The following CADM3 variants were observed in gnomAD, a reference collection of about 807,000 sequenced individuals.
The protein encoded by CADM3 is cell adhesion molecule 3.
In CADM3, 11 loss-of-function variants were observed where a neutral mutation model predicts 44.9. That is an observed-to-expected ratio of 0.25 (90% CI 0.15 to 0.41). The LOEUF is 0.41. Ranked by LOEUF, CADM3 falls within the 10% of genes least tolerant of loss-of-function variation. CADM3 has a pLI of 1.00. For missense variants in CADM3, 426 were observed against 512.0 expected (o/e 0.83, Z 1.62); for synonymous variants, 207 against 205.2 (o/e 1.01, Z -0.08).
intron 1 of CADM3, chr1:159,189,726 C>A: frequency 7.1e-7 from 1 of 1,413,306 alleles, no homozygotes; most frequent in Non-Finnish European, 9.9e-7. Flanking sequence ...CACACTGTAG[C>A]AGGATACATG....
At chr1:159,193,749 ATC>A in intron 4 of CADM3, 119 bp from the exon 5 acceptor site, 1 of 1,467,564 alleles carries the variant, frequency 6.8e-7, no homozygotes, top group Non-Finnish European at 9.4e-7. Context: ...TTCTAAGTTT[ATC>A]TAGGTTGAGA....
Position 159,171,792 on chromosome 1 carries a change from G to C in CADM3, c.27G>C (p.Leu9=). The change falls in exon 1 of 9, where the codon CTG becomes CTC. Residue 9 remains leucine, a synonymous_variant. Coordinates refer to ENST00000368125, the MANE Select transcript of CADM3 (RefSeq NM_001127173.3). MGAPAASL[L]LLLLLFACCW... Reference sequence around the variant, plus strand: ...TGGGGGCCCCAGCCGCCTCGCTCCTGCTCCTGCTCCTGCTGTTCGCCTGCT... The same window carrying C: ...TGGGGGCCCCAGCCGCCTCGCTCCTCCTCCTGCTCCTGCTGTTCGCCTGCT... 8.0e-7 allele frequency: 1 copy of C among 1,244,058 alleles called. No homozygotes were observed. 77.1% of individuals were successfully genotyped at this position (1,244,058 alleles called of 1,614,324 possible).
chr1:159,187,837 T>C (rs759402111), intron 1 of CADM3, among the ~76,000 whole-genome samples: 3 of 151,992 alleles, frequency 2.0e-5, no homozygotes, highest in Non-Finnish European at 4.4e-5. Flanking sequence ...CCATCCTCCA[T>C]GTGCACAGAA....
rs1157226842 is a variant in CADM3, at chr1:159,171,677, T to C, written c.-89T>C. On this transcript the variant is annotated 5_prime_UTR_variant, in exon 1 of 9. Coordinates refer to ENST00000368125, the MANE Select transcript of CADM3 (RefSeq NM_001127173.3). Reference sequence around the variant, plus strand: ...AAGCGGCTCGGGGGCGCCCTTTCGGTCAACATCGTAGTCCACCCCCTCCCC... The same window carrying C: ...AAGCGGCTCGGGGGCGCCCTTTCGGCCAACATCGTAGTCCACCCCCTCCCC... 2 of 1,030,298 alleles carry C rather than the reference T, an allele frequency of 1.9e-6. No individual in the cohort carries two copies. The highest frequency in any genetic ancestry group is 2.5e-6 in the Non-Finnish European group (2 of 804,728). 63.8% of individuals were successfully genotyped at this position (1,030,298 alleles called of 1,614,324 possible).
intron 1 of CADM3, chr1:159,189,847 C>A: frequency 6.2e-7 from 1 of 1,604,160 alleles, no homozygotes; most frequent in Non-Finnish European, 8.5e-7. Flanking sequence ...CAGTCTGGAG[C>A]AGCCCTGACA....
Position 159,200,942 on chromosome 1 carries a change from G to A in CADM3, c.*20G>A. On this transcript the variant is annotated 3_prime_UTR_variant, in exon 9 of 9. Coordinates refer to ENST00000368125, the MANE Select transcript of CADM3 (RefSeq NM_001127173.3). ...ATCTAGAGGCGCCTGCCCACTTCCT[G>A]CGCCCCCCAGGGGCCCTGTGGGGAC... 6.4e-7 allele frequency: 1 copy of A among 1,564,870 alleles called. No homozygotes were observed. The highest frequency in any genetic ancestry group is 1.2e-5 in the South Asian group (1 of 84,202).
At chr1:159,196,787 T>G in intron 6 of CADM3, 104 bp from the exon 7 acceptor site, 1 of 1,166,866 alleles carries the variant, frequency 8.6e-7, no homozygotes, top group Non-Finnish European at 1.2e-6. Flanking sequence ...TTCTCCAGCC[T>G]CATCAAACAG....
rs554430579 is a variant in CADM3, at chr1:159,190,673, C to T, written c.89-1263C>T. On this transcript the variant is annotated intron_variant, in intron 1 of 8. Transcript: ENST00000368125. ...CACGCACATCTTCATTCCTCAGGGC[C>T]TCTGCTCTGCTGGGAGCACCCATTG... 5.3e-5 allele frequency among the ~76,000 whole-genome samples: 8 copies of T among 152,324 alleles called. No individual in the cohort carries two copies. The East Asian group carries it at 1.5e-3, about 29-fold the overall frequency.
intron 1 of CADM3, among the ~76,000 whole-genome samples, chr1:159,176,748 G>T (rs902198505): frequency 1.3e-5 from 2 of 152,182 alleles, no homozygotes; most frequent in African/African-American, 4.8e-5. Flanking sequence ...TGAATCTGTT[G>T]AGATTTTTAC....
intron 7 of CADM3, 75 bp downstream of exon 7, chr1:159,197,135 C>T (rs956481044): frequency 1.4e-6 from 2 of 1,477,168 alleles, no homozygotes; most frequent in African/African-American, 1.4e-5. Flanking sequence ...AAAATGCTTC[C>T]TGATAACATC....
intron 1 of CADM3, among the ~76,000 whole-genome samples, chr1:159,190,186 A>G (rs531766904): frequency 6.6e-6 from 1 of 152,292 alleles, no homozygotes; most frequent in South Asian, 2.1e-4. Flanking sequence ...GAATTCTTCA[A>G]AGGGAACCAG....
At chr1:159,187,570 G>C (rs34248910) in intron 1 of CADM3, among the ~76,000 whole-genome samples, 52 of 152,316 alleles carry the variant, frequency 3.4e-4, no homozygotes, top group African/African-American at 1.3e-3. Flanking sequence ...TCTGCAAACT[G>C]AAAGTCCTAT....
intron 5 of CADM3, chr1:159,195,682 C>T (rs1649860080): frequency 6.6e-6 from 1 of 152,278 alleles, no homozygotes; most frequent in African/African-American, 2.4e-5. Context: ...TTGGCTCTAT[C>T]CTTAGGGGAA....
At chr1:159,186,019 A>G (rs760786740) in intron 1 of CADM3, among the ~76,000 whole-genome samples, 2 of 152,216 alleles carry the variant, frequency 1.3e-5, no homozygotes, top group Admixed American at 6.5e-5. Flanking sequence ...AATCTGGGAC[A>G]ATCAGGGAAG....
intron 8 of CADM3, 40 bp downstream of exon 8, chr1:159,199,916 G>A (rs764864695): frequency 1.9e-6 from 3 of 1,604,968 alleles, no homozygotes; most frequent in South Asian, 1.1e-5. Flanking sequence ...ACTTGGGAGG[G>A]GCAGGGAGAC....
chr1:159,187,094 G>C lies in CADM3; in HGVS notation c.89-4842G>C, dbSNP rs1481177802. On this transcript the variant is annotated intron_variant, in intron 1 of 8. Coordinates refer to ENST00000368125, the MANE Select transcript of CADM3 (RefSeq NM_001127173.3). ...ATGAGCAAGGAGAAAAGCAACTGAG[G>C]AGGATGCAGAAAAAAGCACAGATGA... Among the ~76,000 whole-genome samples the C allele has an allele frequency of 2.0e-5, 3 of 152,224 alleles. No homozygotes were observed. In the East Asian group the frequency reaches 5.8e-4, roughly 29 times the overall value.
At chr1:159,174,604 A>G (rs893347375) in intron 1 of CADM3, among the ~76,000 whole-genome samples, 1 of 152,204 alleles carries the variant, frequency 6.6e-6, no homozygotes, top group African/African-American at 2.4e-5. Context: ...CACAGCATAA[A>G]TTTTTTAAGC....
chr1:159,186,263 CCTTGAAGGCTAGGCTGACAACT>C (rs1290404534), intron 1 of CADM3, among the ~76,000 whole-genome samples: 1 of 152,104 alleles, frequency 6.6e-6, no homozygotes. Context: ...CTGTACAGGA[CCTTGAAGGCTAGGCTGACAACT>C]CTGGGTATTA....
At chr1:159,174,211 A>G (rs113241637) in intron 1 of CADM3, among the ~76,000 whole-genome samples, 3 of 152,170 alleles carry the variant, frequency 2.0e-5, no homozygotes, top group Non-Finnish European at 4.4e-5. Flanking sequence ...ATGAGACATA[A>G]CCACCATATC....
Sources: gnomAD v4.1 joint callset for allele counts (sites outside exome capture counted in the v4.1 genomes callset) on GRCh38, gnomAD v4.1.1 for gene constraint, MANE v1.5 for transcripts, NCBI Gene and HGNC (gene_info 2026-07-23, HGNC 2026-07-21) for gene names.